MUC6: variants seen among roughly 807,000 people sequenced by gnomAD.
The protein encoded by MUC6 is mucin-6.
Under a neutral mutation model 201.5 loss-of-function variants are expected in MUC6, and 188 were observed. The observed-to-expected ratio is 0.93, with a 90% CI of 0.83 to 1.05. MUC6 has a LOEUF of 1.05. Ranked by LOEUF, MUC6 falls within the 50% of genes least tolerant of loss-of-function variation. The probability of loss-of-function intolerance (pLI) is 0.00; values close to 1 mark genes in which losing one functional copy is unlikely to be tolerated. For missense variants in MUC6, 2,706 were observed against 3,256.9 expected (o/e 0.83, Z 4.12); for synonymous variants, 1,228 against 1,389.4 (o/e 0.88, Z 2.58).
intron 31 of MUC6, among the ~76,000 whole-genome samples, chr11:1,015,308 G>C (rs981572431): frequency 2.6e-5 from 4 of 152,360 alleles, no homozygotes; most frequent in Admixed American, 2.0e-4. Context: ...CAGGTCCTTT[G>C]GGGCGAGGCA....
At chr11:1,036,071 G>A (rs554108773) in intron 1 of MUC6, among the ~76,000 whole-genome samples, 146 of 152,182 alleles carry the variant, frequency 9.6e-4, no homozygotes, top group African/African-American at 1.8e-3. Flanking sequence ...TGCCTGCGGC[G>A]GTTCTGAGCC....
rs772873461 is a variant in MUC6, at chr11:1,030,283, G to T, written c.945C>A (p.Cys315Ter). ...GCTGCGGGTTGGAGCAGGTCTTCAC[G>T]CAGGCCGAGCCGCACTCCTGGTACA... ...NQVYQECGSA[C>*]VKTCSNPQHS... The change falls in exon 8 of 33, where the codon TGC becomes TGA. Residue 315 changes from cysteine to a stop codon, truncating the protein, a stop_gained. Coordinates refer to ENST00000421673, the MANE Select transcript of MUC6 (RefSeq NM_005961.3). LOFTEE classifies it high-confidence loss of function. The T allele has an allele frequency of 4.8e-5, 75 of 1,549,492 alleles. No individual in the cohort carries two copies. The highest frequency in any genetic ancestry group is 6.2e-5 in the Non-Finnish European group (71 of 1,146,912).
Position 1,028,757 on chromosome 11 carries a change from A to C in MUC6, c.1480T>G (p.Ser494Ala). ...TRNITVFRQT[S>A]THLQMATSFG... The stretch of plus-strand genomic sequence containing the variant: ...CTGGTGGCCATCTGGAGGTGGGTGG[A>C]CGTCTGCCTGAAGACCGTGATGTTG... Residue 494 changes from serine to alanine, a missense_variant, in exon 13 of 33, where the codon TCC (serine) becomes GCC (alanine). Ser to Ala is a moderately conservative substitution (Grantham distance 99). Transcript: ENST00000421673. 6.2e-7 allele frequency: 1 copy of C among 1,612,030 alleles called. No individual in the cohort carries two copies. Among genetic ancestry groups the C allele is most frequent in the Non-Finnish European group, 8.5e-7 (1 of 1,179,814 alleles).
At chr11:1,031,097 C>T (rs1857091254) in intron 5 of MUC6, 41 bp from the exon 6 acceptor site, 3 of 1,537,142 alleles carry the variant, frequency 2.0e-6, no homozygotes, top group Non-Finnish European at 2.6e-6. Context: ...GGGGCTGGGC[C>T]TCAGAGGCCC....
rs1052338949 is a variant in MUC6 at position 1,013,214 on chromosome 11, G to A, written c.*242C>T. The A allele has an allele frequency of 3.6e-5, 20 of 553,984 alleles. No individual in the cohort carries two copies. Among genetic ancestry groups the A allele is most frequent in the African/African-American group, 3.5e-4 (18 of 51,608 alleles). 34.3% of individuals were successfully genotyped at this position (553,984 alleles called of 1,614,324 possible). ...TGCCCTGTGTGCCTGGGAGGTCCGTGACCACTGTCCGCCTCAGTCCCTCTC... is the reference window on the plus strand; with the variant it reads ...TGCCCTGTGTGCCTGGGAGGTCCGTAACCACTGTCCGCCTCAGTCCCTCTC... On this transcript the variant is annotated 3_prime_UTR_variant, in exon 33 of 33. Transcript: ENST00000421673.
Position 1,027,774 on chromosome 11 carries a change from TG to T in MUC6, c.1891del (p.His631ThrfsTer79). The T allele has an allele frequency of 1.9e-6, 3 of 1,611,078 alleles. No individual in the cohort carries two copies. The highest frequency in any genetic ancestry group is 2.5e-6 in the Non-Finnish European group (3 of 1,179,296). On this transcript the variant is annotated frameshift_variant, in exon 16 of 33. Transcript: ENST00000421673. LOFTEE classifies it high-confidence loss of function. ...GTAGTCGCCCAGGGCGGCACAGATG[TG>T]GGGAAAGGTCTCCTCGTAGTTGCAG... The part of the protein sequence containing the change: ...QACNYEETFP[H>X]ICAALGDYVH...
chr11:1,018,351 TG>T lies in MUC6; in HGVS notation c.4449del (p.Ile1484PhefsTer19). Reference sequence around the variant, plus strand: ...GCCTTGAGCGTTGTTGGTGGAGGAATGGTACCTGTTGGCGCTGAGTGGTTGG... The same window carrying T: ...GCCTTGAGCGTTGTTGGTGGAGGAATGTACCTGTTGGCGCTGAGTGGTTGG... ...SASNHSAPTGTIPPPTTLKAT... is the reference protein window; with the variant it reads ...SASNHSAPTGXIPPPTTLKAT... On this transcript the variant is annotated frameshift_variant, in exon 31 of 33. Coordinates refer to ENST00000421673, the MANE Select transcript of MUC6 (RefSeq NM_005961.3). LOFTEE classifies it high-confidence loss of function. 6.2e-7 allele frequency: 1 copy of T among 1,610,282 alleles called. No homozygotes were observed. The highest frequency in any genetic ancestry group is 8.5e-7 in the Non-Finnish European group (1 of 1,178,632).
Position 1,016,123 on chromosome 11 carries a change from G to A in MUC6, c.6678C>T (p.Leu2226=). The A allele has an allele frequency of 6.2e-7, 1 of 1,613,732 alleles. No homozygotes were observed. The highest frequency in any genetic ancestry group is 2.2e-5 in the East Asian group (1 of 44,880). ...GAGACACGGTAACAGTGGATATGGGGAGTAGAGCAGAGAGGGTGAAAGGAG... is the reference window on the plus strand; with the variant it reads ...GAGACACGGTAACAGTGGATATGGGAAGTAGAGCAGAGAGGGTGAAAGGAG... ...ISSPFTLSAL[L]PISTVTVSPT... is the part of the protein sequence containing the mutation. The change falls in exon 31 of 33, where the codon CTC becomes CTT. Residue 2226 remains leucine, a synonymous_variant. Transcript: ENST00000421673.
chr11:1,030,581 C>T lies in MUC6; in HGVS notation c.884G>A (p.Gly295Asp). ...CCCTTCCCTGGACTCACAGCACAGG[C>T]CGGGGCTCCGCCAGCGGCGGACCGG... ...GQPVRRWRSP[G>D]LCSVGQCPAN... The change falls in exon 7 of 33, where the codon GGC becomes GAC. Residue 295 changes from glycine (G) to aspartate (D), a missense_variant. Transcript: ENST00000421673. The T allele has an allele frequency of 6.6e-7, 1 of 1,513,570 alleles. No individual in the cohort carries two copies. The highest frequency in any genetic ancestry group is 2.0e-5 in the Admixed American group (1 of 50,592). 93.8% of individuals were successfully genotyped at this position (1,513,570 alleles called of 1,614,324 possible).
In MUC6 at chr11:1,036,675, C is replaced by G; in HGVS notation, c.-20G>C. ...GACCATGGTGCACAGTGGAGAGGAG[C>G]TCGCGCTGGGCCCGGCAGGCCTGCT... On this transcript the variant is annotated 5_prime_UTR_variant, in exon 1 of 33. Transcript: ENST00000421673. 6.5e-7 allele frequency: 1 copy of G among 1,544,788 alleles called. No individual in the cohort carries two copies. The highest frequency in any genetic ancestry group is 8.7e-7 in the Non-Finnish European group (1 of 1,146,006).
intron 31 of MUC6, 104 bp from the exon 32 acceptor site, chr11:1,014,105 C>G: frequency 1.1e-6 from 1 of 947,050 alleles, no homozygotes. Context: ...TCTGGACTCT[C>G]CTGCCCAAGG....
At chr11:1,023,035 GT>G (rs1424967728) in intron 26 of MUC6, among the ~76,000 whole-genome samples, 1 of 148,244 alleles carries the variant, frequency 6.7e-6, no homozygotes, top group Non-Finnish European at 1.5e-5. Context: ...AATGTGTTGA[GT>G]GAATGTGCGT....
At position 1,019,418 on chromosome 11, in the gene MUC6, G is replaced by T. The variant is rs1215551826; in HGVS notation, c.3887C>A (p.Ala1296Asp). ...LPPTATLRST[A>D]TKPTVTQATT... ...GGCCTGGGTCACTGTGGGTTTTGTG[G>T]CTGTCGATCTCAGTGTGGCTGTGGG... Residue 1296 changes from alanine (A) to aspartate (D), a missense_variant, in exon 30 of 33, where the codon GCC becomes GAC. Physicochemically the swap from Ala to Asp is moderately radical, Grantham distance 126. Transcript: ENST00000421673. 3 of 1,613,856 alleles carry T rather than the reference G, an allele frequency of 1.9e-6. No individual in the cohort carries two copies. The highest frequency in any genetic ancestry group is 2.7e-5 in the African/African-American group (2 of 74,900).
chr11:1,034,296 TG>T (rs1405078345), intron 1 of MUC6, among the ~76,000 whole-genome samples: 1 of 152,248 alleles, frequency 6.6e-6, no homozygotes, highest in Non-Finnish European at 1.5e-5. Context: ...CGTTTTCTGA[TG>T]GGTTGCACCT....
rs1383717031 is a variant in MUC6, at chr11:1,029,564, T to C, written c.1067A>G (p.Gln356Arg). Residue 356 changes from glutamine (Q) to arginine (R), a missense_variant, in exon 9 of 33, where the codon CAG becomes CGG. Physicochemically the swap from Gln to Arg is conservative, Grantham distance 43. This residue lies in a region of MUC6 where 1,850 missense variants were observed against 1,958.3 expected (regional missense o/e 0.94). Coordinates refer to ENST00000421673, the MANE Select transcript of MUC6 (RefSeq NM_005961.3). ...SNNHTCVPVT[Q>R]CPCVLHGAMY... ...GGCGCCGTGGAGCACACAGGGGCAC[T>C]GGGTGACGGGCACGCAGGTGTGGTT... The C allele has an allele frequency of 1.9e-6, 3 of 1,610,838 alleles. No homozygotes were observed. The highest frequency in any genetic ancestry group is 2.5e-6 in the Non-Finnish European group (3 of 1,178,862).
At position 1,023,964 on chromosome 11, in the gene MUC6, C is replaced by T. The variant is rs775220268; in HGVS notation, c.3365G>A (p.Arg1122Lys). 8 of 1,612,620 alleles carry T rather than the reference C, an allele frequency of 5.0e-6. No homozygotes were observed. Among genetic ancestry groups the T allele is most frequent in the Non-Finnish European group, 6.8e-6 (8 of 1,179,636 alleles). ...TCACTCACGGCAGAAGGCCGGGGTC[C>T]TCCAGTCCACGCACACACCCTTGTC... ...CLDKGVCVDW[R>K]TPAFCPIYCG... is the part of the protein sequence containing the mutation. Residue 1122 changes from arginine to lysine, a missense_variant, in exon 25 of 33, where the codon AGG (arginine) becomes AAG (lysine). By Grantham distance (26) the Arg-to-Lys change is conservative. Transcript: ENST00000421673.
intron 15 of MUC6, 43 bp from the exon 16 acceptor site, chr11:1,027,860 C>T (rs1442636873): frequency 6.3e-7 from 1 of 1,598,264 alleles, no homozygotes; most frequent in Non-Finnish European, 8.5e-7. Context: ...AGGCACCCTG[C>T]CCTGGGGACA....
chr11:1,029,738 C>G (rs1390672211), intron 8 of MUC6, 123 bp from the exon 9 acceptor site: 1 of 1,329,554 alleles, frequency 7.5e-7, no homozygotes, highest in Non-Finnish European at 1.0e-6. Context: ...CAGCCTGGCT[C>G]CAGGGAGACG....
intron 31 of MUC6, among the ~76,000 whole-genome samples, chr11:1,015,021 C>T (rs4076950): frequency 0.31 from 47,833 of 152,190 alleles, 7,991 homozygotes; most frequent in Admixed American, 0.48. Flanking sequence ...GTGGCGTTGT[C>T]GCCTGGTGGA....
Sources: allele counts gnomAD v4.1 joint callset (sites outside exome capture counted in the v4.1 genomes callset), GRCh38; gene constraint gnomAD v4.1.1; regional missense constraint gnomAD v4.1.1; transcripts MANE v1.5; gene names NCBI Gene and HGNC (gene_info 2026-07-23, HGNC 2026-07-21).